The following B3GALT1 variants were observed in gnomAD, a reference collection of about 807,000 sequenced individuals.
B3GALT1 encodes UDP-Gal:betaGlcNAc beta 1,3-galactosyltransferase, polypeptide 1.
In B3GALT1, 10 loss-of-function variants were observed where a neutral mutation model predicts 23.2. The observed-to-expected ratio is 0.43, with a 90% CI of 0.27 to 0.73. The LOEUF is 0.73. Ranked by LOEUF, B3GALT1 falls within the 30% of genes least tolerant of loss-of-function variation. B3GALT1 has a pLI of 0.21. For missense variants in B3GALT1, 299 were observed against 405.4 expected, an observed-to-expected ratio of 0.74 and a Z score of 2.25; for synonymous variants, 156 against 141.5, an observed-to-expected ratio of 1.10 and a Z score of -0.73.
At position 167,869,249 on chromosome 2, in the gene B3GALT1, C is replaced by G. The variant is rs746509718; in HGVS notation, c.210C>G (p.Pro70=). Residue 70 remains proline, a synonymous_variant, in exon 5 of 5, where the codon CCC becomes CCG. Transcript: ENST00000392690. This position sits in a 1 kb window ranked among gnomAD's most constrained non-coding sequence, Gnocchi z 6.4. ...CTTTTGAATTTCTTATCAACGAGCC[C>G]AATAAATGTGAGAAAAACATTCCTT... The part of the protein sequence containing the change: ...PHSFEFLINE[P]NKCEKNIPFL... The G allele has an allele frequency of 3.7e-6, 6 of 1,614,126 alleles. No homozygotes were observed. In the South Asian group the frequency reaches 6.6e-5, roughly 18 times the overall value.
At chr2:167,767,029 A>C (rs1687989159) in intron 3 of B3GALT1, among the ~76,000 whole-genome samples, 1 of 152,174 alleles carries the variant, frequency 6.6e-6, no homozygotes. Flanking sequence ...TCCTATTAAA[A>C]TTGTTCAAAG....
chr2:167,684,403 T>A (rs1686583074), intron 3 of B3GALT1, among the ~76,000 whole-genome samples: 1 of 152,222 alleles, frequency 6.6e-6, no homozygotes, highest in African/African-American at 2.4e-5. Flanking sequence ...ATAAATTGTA[T>A]AGTCTGGAAA....
chr2:167,330,952 A>G (rs1696963132), intron 1 of B3GALT1, among the ~76,000 whole-genome samples: 1 of 151,692 alleles, frequency 6.6e-6, no homozygotes, highest in Non-Finnish European at 1.5e-5. Flanking sequence ...ATCTAGTGTG[A>G]CAGTGTTTTT....
intron 2 of B3GALT1, among the ~76,000 whole-genome samples, chr2:167,572,105 A>G (rs865986661): frequency 2.0e-5 from 3 of 151,878 alleles, no homozygotes; most frequent in African/African-American, 7.2e-5. Context: ...AATAATAAGC[A>G]TAAATGCAGT....
chr2:167,391,672 C>T (rs1698015898), intron 1 of B3GALT1, among the ~76,000 whole-genome samples: 1 of 152,136 alleles, frequency 6.6e-6, no homozygotes, highest in Non-Finnish European at 1.5e-5. Context: ...GCATTCTCCT[C>T]TCAACTGTCT....
chr2:167,321,831 C>G (rs1696816369), intron 1 of B3GALT1, among the ~76,000 whole-genome samples: 1 of 152,028 alleles, frequency 6.6e-6, no homozygotes, highest in Admixed American at 6.6e-5. Flanking sequence ...ATATGGTAAT[C>G]TAAACTGGGT....
chr2:167,384,194 CTATATT>C (rs1175634112), intron 1 of B3GALT1, among the ~76,000 whole-genome samples: 2 of 152,144 alleles, frequency 1.3e-5, no homozygotes, highest in Non-Finnish European at 2.9e-5. Context: ...AGTTTGAAAA[CTATATT>C]TAAATACCAC....
intron 2 of B3GALT1, among the ~76,000 whole-genome samples, chr2:167,493,698 A>T (rs1699740888): frequency 6.6e-6 from 1 of 152,198 alleles, no homozygotes; most frequent in Non-Finnish European, 1.5e-5. Context: ...AAGTAGGATG[A>T]TAAGAAGTGT....
chr2:167,461,601 A>G (rs2105325753), intron 1 of B3GALT1, among the ~76,000 whole-genome samples: 1 of 152,202 alleles, frequency 6.6e-6, no homozygotes, highest in African/African-American at 2.4e-5. Context: ...TATAGCTATA[A>G]AAATTTATAA....
chr2:167,372,583 A>G (rs1208984459), intron 1 of B3GALT1, among the ~76,000 whole-genome samples: 2 of 152,038 alleles, frequency 1.3e-5, no homozygotes, highest in Non-Finnish European at 2.9e-5. Flanking sequence ...TATTTAGAAA[A>G]CCCTAAATAG....
At chr2:167,796,571 G>A (rs1244941327) in intron 3 of B3GALT1, among the ~76,000 whole-genome samples, 1 of 151,964 alleles carries the variant, frequency 6.6e-6, no homozygotes, top group Non-Finnish European at 1.5e-5. Context: ...ACATGGCAAA[G>A]CCCCATCTCT....
At chr2:167,729,434 G>A (rs1387406379) in intron 3 of B3GALT1, among the ~76,000 whole-genome samples, 1 of 152,166 alleles carries the variant, frequency 6.6e-6, no homozygotes, top group Non-Finnish European at 1.5e-5. Flanking sequence ...AAATGGAGGA[G>A]CACATAGGTC....
intron 2 of B3GALT1, among the ~76,000 whole-genome samples, chr2:167,512,616 ATATACG>A (rs1700037071): frequency 2.3e-5 from 2 of 87,936 alleles, no homozygotes; most frequent in Non-Finnish European, 4.0e-5. Context: ...ATGTATATAT[ATATACG>A]TGTATATATA....
intron 2 of B3GALT1, among the ~76,000 whole-genome samples, chr2:167,491,500 T>TC (rs1553521780): frequency 2.3e-4 from 34 of 149,692 alleles, no homozygotes; most frequent in African/African-American, 8.1e-4. Flanking sequence ...TTTTTTTTTT[T>TC]CATTAACAGA....
intron 4 of B3GALT1, among the ~76,000 whole-genome samples, chr2:167,848,538 C>T (rs946252497): frequency 1.3e-5 from 2 of 152,052 alleles, no homozygotes; most frequent in African/African-American, 4.8e-5. Context: ...TGACAAAATC[C>T]AGCATCTCTT....
intron 3 of B3GALT1, among the ~76,000 whole-genome samples, chr2:167,747,801 G>A (rs1033109570): frequency 2.6e-5 from 4 of 152,174 alleles, no homozygotes; most frequent in Non-Finnish European, 5.9e-5. Flanking sequence ...GTATGAAGGC[G>A]TCAGAATGGG....
chr2:167,371,825 A>G (rs1391012419), intron 1 of B3GALT1, among the ~76,000 whole-genome samples: 1 of 151,874 alleles, frequency 6.6e-6, no homozygotes, highest in Admixed American at 6.6e-5. Flanking sequence ...ATTTTTTGCT[A>G]TAGCAATTAT....
intron 3 of B3GALT1, among the ~76,000 whole-genome samples, chr2:167,818,284 A>G (rs1689037427): frequency 6.6e-6 from 1 of 152,186 alleles, no homozygotes; most frequent in African/African-American, 2.4e-5. Flanking sequence ...GGGCCTGTTT[A>G]TCTTTGTGGC....
chr2:167,646,447 C>A (rs999351485), intron 2 of B3GALT1, among the ~76,000 whole-genome samples: 3 of 152,190 alleles, frequency 2.0e-5, no homozygotes, highest in African/African-American at 7.2e-5. Context: ...CTAGTGCCTG[C>A]CCACCTCAGA....
Sources: allele counts gnomAD v4.1 joint callset (sites outside exome capture counted in the v4.1 genomes callset), GRCh38; gene constraint gnomAD v4.1.1; non-coding constraint Gnocchi (gnomAD v3.1); transcripts MANE v1.5; gene names NCBI Gene and HGNC (gene_info 2026-07-23, HGNC 2026-07-21).